PAMR1: variants seen among roughly 807,000 people sequenced by gnomAD.
PAMR1 encodes the protein peptidase domain containing associated with muscle regeneration 1.
In PAMR1, 88 loss-of-function variants were observed where a neutral mutation model predicts 81.8. The observed-to-expected ratio is 1.08, with a 90% CI of 0.91 to 1.28. The LOEUF is 1.28. Ranked by LOEUF, PAMR1 falls within the 50% of genes most tolerant of loss-of-function variation. The pLI is 0.00. For synonymous variants in PAMR1, 336 were observed against 345.3 expected (o/e 0.97, Z 0.30); for missense variants, 935 against 919.7 (o/e 1.02, Z -0.21).
In PAMR1 at chr11:35,445,232, G is replaced by A. The variant is rs61270097; in HGVS notation, c.821-3539C>T. On this transcript the variant is annotated intron_variant, in intron 6 of 10. Transcript: ENST00000619888. ...CTGAAGTTGCTTATCAGCTTAAGAA[G>A]CTTTTGGTCTGAGACGATGGGGTTT... 2.7e-4 allele frequency among the ~76,000 whole-genome samples: 41 copies of A among 152,316 alleles called. 1 individual carries two copies. Among genetic ancestry groups the A allele is most frequent in the African/African-American group, 8.9e-4 (37 of 41,578 alleles).
intron 1 of PAMR1, among the ~76,000 whole-genome samples, chr11:35,500,824 T>C (rs1024829161): frequency 2.0e-5 from 3 of 152,172 alleles, no homozygotes; most frequent in Non-Finnish European, 2.9e-5. Flanking sequence ...CTATAGGCAA[T>C]TGTAATACAA....
In PAMR1 at chr11:35,474,731, A is replaced by C; in HGVS notation, c.393T>G (p.Val131=). ...AAATCTGACCCTTTGGGGCTCGCAG[A>C]ACCTGGCCACATCCTAAGAAAAGAA... ...YGGDCMRCGQ[V]LRAPKGQILL... Residue 131 remains valine, a synonymous_variant, in exon 4 of 11, where the codon GTT becomes GTG. Transcript: ENST00000619888. The C allele has an allele frequency of 6.2e-7, 1 of 1,609,152 alleles. No homozygotes were observed. Among genetic ancestry groups the C allele is most frequent in the Non-Finnish European group, 8.5e-7 (1 of 1,177,416 alleles).
chr11:35,494,734 T>C (rs1850694696), intron 1 of PAMR1, among the ~76,000 whole-genome samples: 1 of 152,220 alleles, frequency 6.6e-6, no homozygotes, highest in African/African-American at 2.4e-5. Flanking sequence ...ATGTGAATTC[T>C]TCCCAGGCCA....
intron 6 of PAMR1, among the ~76,000 whole-genome samples, chr11:35,442,322 A>G (rs1856187752): frequency 6.6e-6 from 1 of 152,240 alleles, no homozygotes; most frequent in Non-Finnish European, 1.5e-5. Flanking sequence ...GATATTCATT[A>G]CAGAGGTATT....
chr11:35,528,711 A>G (rs114688265), upstream of PAMR1, among the ~76,000 whole-genome samples: 2,857 of 152,186 alleles, frequency 0.019, 100 homozygotes, highest in African/African-American at 0.065. Context: ...CTGTTTGGCT[A>G]TTTGCTAAGG....
chr11:35,523,378 A>C (rs913398636), intron 1 of PAMR1, among the ~76,000 whole-genome samples: 1 of 152,220 alleles, frequency 6.6e-6, no homozygotes, highest in African/African-American at 2.4e-5. Flanking sequence ...CAAGAGTCCC[A>C]TATTTTAAAT....
intron 1 of PAMR1, among the ~76,000 whole-genome samples, chr11:35,509,603 A>AATTTT (rs1169671186): frequency 3.3e-5 from 5 of 152,240 alleles, no homozygotes; most frequent in Admixed American, 3.3e-4. Flanking sequence ...GTTGCTAATA[A>AATTTT]ATTTTATTTT....
intron 1 of PAMR1, among the ~76,000 whole-genome samples, chr11:35,510,558 G>GA (rs1437968237): frequency 6.8e-6 from 1 of 147,888 alleles, no homozygotes; most frequent in Admixed American, 7.0e-5. Context: ...TCTAAATAAG[G>GA]AAATTAAAGG....
chr11:35,518,086 G>A (rs1224490521), intron 1 of PAMR1, among the ~76,000 whole-genome samples: 2 of 152,126 alleles, frequency 1.3e-5, no homozygotes, highest in Non-Finnish European at 2.9e-5. Flanking sequence ...TGTTCTACCA[G>A]TGCATTGGCC....
rs757678843 is a variant in PAMR1, at chr11:35,525,488, G to A, written c.73+25C>T. 1.2e-5 allele frequency: 20 copies of A among 1,604,134 alleles called. No individual in the cohort carries two copies. In the South Asian group the frequency reaches 2.2e-4, roughly 18 times the overall value. ...CTCCCTCCTAGGGTGTCCTCCTAGG[G>A]TGTCCCGGACGCTACTCACAGTACC... is the stretch of plus-strand genomic sequence containing the variant. On this transcript the variant is annotated intron_variant, in intron 1 of 10. Coordinates refer to ENST00000619888, the MANE Select transcript of PAMR1 (RefSeq NM_001001991.3).
chr11:35,522,025 C>A (rs1370440958), intron 1 of PAMR1, among the ~76,000 whole-genome samples: 2 of 152,060 alleles, frequency 1.3e-5, no homozygotes, highest in Non-Finnish European at 2.9e-5. Flanking sequence ...CAGGTTCACA[C>A]CATTCTCCTG....
chr11:35,442,618 T>C (rs1426316420), intron 6 of PAMR1, among the ~76,000 whole-genome samples: 1 of 152,012 alleles, frequency 6.6e-6, no homozygotes, highest in African/African-American at 2.4e-5. Context: ...TTTTTATTTA[T>C]TTATTTATTT....
intron 6 of PAMR1, among the ~76,000 whole-genome samples, chr11:35,454,540 C>T (rs1423376681): frequency 6.6e-6 from 1 of 152,148 alleles, no homozygotes. Flanking sequence ...GGGAGTGCTT[C>T]CTTTGATAAA....
chr11:35,451,164 A>G (rs1049000158), intron 6 of PAMR1, among the ~76,000 whole-genome samples: 1 of 152,230 alleles, frequency 6.6e-6, no homozygotes, highest in African/African-American at 2.4e-5. Context: ...TTCATGGTCC[A>G]CTAGGCTCCC....
At chr11:35,509,048 C>A (rs890282969) in intron 1 of PAMR1, among the ~76,000 whole-genome samples, 1 of 152,192 alleles carries the variant, frequency 6.6e-6, no homozygotes, top group South Asian at 2.1e-4. Flanking sequence ...CTGTCATTGA[C>A]CAAAATGTCA....
At chr11:35,444,337 T>G (rs1174949376) in intron 6 of PAMR1, among the ~76,000 whole-genome samples, 1 of 152,252 alleles carries the variant, frequency 6.6e-6, no homozygotes, top group Non-Finnish European at 1.5e-5. Flanking sequence ...GTGCAGAAGC[T>G]CTGTAGTTTA....
intron 1 of PAMR1, among the ~76,000 whole-genome samples, chr11:35,508,923 C>A (rs1851026470): frequency 6.6e-6 from 1 of 151,940 alleles, no homozygotes; most frequent in Admixed American, 6.6e-5. Flanking sequence ...GTATATGTAC[C>A]ACATTTTCTT....
At chr11:35,472,808 G>C (rs1330182558) in intron 4 of PAMR1, among the ~76,000 whole-genome samples, 1 of 152,182 alleles carries the variant, frequency 6.6e-6, no homozygotes, top group Non-Finnish European at 1.5e-5. Context: ...ATGAATGGGA[G>C]AGTGATAGGA....
chr11:35,518,757 C>G (rs1390971890), intron 1 of PAMR1, among the ~76,000 whole-genome samples: 1 of 152,032 alleles, frequency 6.6e-6, no homozygotes, highest in African/African-American at 2.4e-5. Context: ...TGATTTCAAG[C>G]AAAACAACCC....
Sources: allele counts gnomAD v4.1 joint callset (sites outside exome capture counted in the v4.1 genomes callset), GRCh38; gene constraint gnomAD v4.1.1; transcripts MANE v1.5; gene names NCBI Gene and HGNC (gene_info 2026-07-23, HGNC 2026-07-21).